MPLKIP: variants seen among roughly 807,000 people sequenced by gnomAD.
MPLKIP encodes M-phase-specific PLK1-interacting protein.
In MPLKIP, 16 loss-of-function variants were observed where a neutral mutation model predicts 16.9. That is an observed-to-expected ratio of 0.94 (90% CI 0.64 to 1.43). The LOEUF (loss-of-function observed/expected upper bound fraction) is 1.43, where lower values mean the gene tolerates loss of function less well. MPLKIP is among the 40% of genes most tolerant of loss of function. The probability of loss-of-function intolerance (pLI) is 0.00; values close to 1 mark genes in which losing one functional copy is unlikely to be tolerated. For synonymous variants in MPLKIP, 126 were observed against 98.4 expected (o/e 1.28, Z -1.66); for missense variants, 282 against 237.6 (o/e 1.19, Z -1.23).
intron 1 of MPLKIP, 26 bp from the exon 2 acceptor site, chr7:40,133,285 AAC>A: frequency 6.3e-7 from 1 of 1,588,870 alleles, no homozygotes; most frequent in Non-Finnish European, 8.6e-7. Flanking sequence ...CAGTTAAAAA[AAC>A]ACTTAGTAAA....
Position 40,128,832 on chromosome 7 carries a change from C to T in MPLKIP, c.*4227G>A, listed in dbSNP as rs551192734. ...TCGGGAGGCTGAGGCAGGAGAATTG[C>T]TTGAACTTGGGAGGCAGAGGTTGTA... On this transcript the variant is annotated 3_prime_UTR_variant, in exon 2 of 2. Transcript: ENST00000306984. The T allele has an allele frequency of 7.1e-6, 1 of 140,348 alleles. No homozygotes were observed. The highest frequency in any genetic ancestry group is 2.7e-5 in the African/African-American group (1 of 37,300). The allele number at this position is 140,348 out of a possible 1,614,324, so 8.7% of individuals were successfully genotyped here.
Position 40,132,833 on chromosome 7 carries a change from C to A in MPLKIP, c.*226G>T. On this transcript the variant is annotated 3_prime_UTR_variant, in exon 2 of 2. Coordinates refer to ENST00000306984, the MANE Select transcript of MPLKIP (RefSeq NM_138701.4). ...ACCAGGAATGTTAAATATATGGAAA[C>A]GGTAAATCTCTAAAATGTGGTAGGT... is the stretch of plus-strand genomic sequence containing the variant. The A allele has an allele frequency of 3.6e-6, 2 of 549,940 alleles. No individual in the cohort carries two copies. The highest frequency in any genetic ancestry group is 6.5e-6 in the Non-Finnish European group (2 of 307,996). 34.1% of individuals were successfully genotyped at this position (549,940 alleles called of 1,614,324 possible). A position where few individuals can be genotyped will look rare whatever the true frequency, so the allele number is the denominator to read the frequency against.
At position 40,131,866 on chromosome 7, in the gene MPLKIP, CA is replaced by C. The variant is rs1435214522; in HGVS notation, c.*1192del. ...AACAAAACAAAACAAACAAAAAAAA[CA>C]AAACATGGTCTCTACTAAAAATACA... On this transcript the variant is annotated 3_prime_UTR_variant, in exon 2 of 2. Transcript: ENST00000306984. 1 of 150,562 alleles carries C rather than the reference CA, an allele frequency of 6.6e-6. No homozygotes were observed. Among genetic ancestry groups the C allele is most frequent in the Non-Finnish European group, 1.5e-5 (1 of 67,600 alleles). The allele number at this position is 150,562 out of a possible 1,614,324, so 9.3% of individuals were successfully genotyped here.
In MPLKIP at chr7:40,126,557, C is replaced by T. The variant is rs1031776635; in HGVS notation, c.*6502G>A. ...CAAGCAATTCTCCTGCCTCAGCCTC[C>T]CAAGTAGCTGGGATACAGGCACATG... On this transcript the variant is annotated 3_prime_UTR_variant, in exon 2 of 2. Transcript: ENST00000306984. 2 of 152,010 alleles carry T rather than the reference C, an allele frequency of 1.3e-5. No individual in the cohort carries two copies. Among genetic ancestry groups the T allele is most frequent in the African/African-American group, 4.8e-5 (2 of 41,352 alleles). 9.4% of individuals were successfully genotyped at this position (152,010 alleles called of 1,614,324 possible).
At position 40,127,620 on chromosome 7, in the gene MPLKIP, G is replaced by C. The variant is rs1213524053; in HGVS notation, c.*5439C>G. 1.3e-5 allele frequency: 2 copies of C among 152,070 alleles called. No homozygotes were observed. Among genetic ancestry groups the C allele is most frequent in the Non-Finnish European group, 2.9e-5 (2 of 68,012 alleles). The allele number at this position is 152,070 out of a possible 1,614,324, so 9.4% of individuals were successfully genotyped here. A position where few individuals can be genotyped will look rare whatever the true frequency, so the allele number is the denominator to read the frequency against. Reference sequence around the variant, plus strand: ...TATTTAACATCTCTGAAATTAAGATGTATCTTATAATCAATGACATGTCAC... The same window carrying C: ...TATTTAACATCTCTGAAATTAAGATCTATCTTATAATCAATGACATGTCAC... On this transcript the variant is annotated 3_prime_UTR_variant, in exon 2 of 2. Coordinates refer to ENST00000306984, the MANE Select transcript of MPLKIP (RefSeq NM_138701.4).
rs557616399 is a variant in MPLKIP at position 40,133,102 on chromosome 7, T to C, written c.497A>G (p.Asn166Ser). 5 of 1,614,040 alleles carry C rather than the reference T, an allele frequency of 3.1e-6. No homozygotes were observed. The highest frequency in any genetic ancestry group is 2.7e-5 in the African/African-American group (2 of 75,054). Reference protein sequence around the residue: ...SVVDISQQYSNTQTFTGKKGR... With the variant: ...SVVDISQQYSSTQTFTGKKGR... ...TTTTTTGCCTGTGAATGTTTGAGTA[T>C]TGCTGTATTGTTGGCTTATATCCAC... Residue 166 changes from asparagine to serine, a missense_variant, in exon 2 of 2, where the codon AAT becomes AGT. Asn to Ser is a conservative substitution (Grantham distance 46). Transcript: ENST00000306984.
rs370470906 is a variant in MPLKIP, at chr7:40,133,857, G to T, written c.339+372C>A. On this transcript the variant is annotated intron_variant, in intron 1 of 1. Transcript: ENST00000306984. ...CGATTTTCTTTTCAGGGAAGTTGGA[G>T]CAGAAGCCAGTGTAGCTCGAAAGAA... 3.6e-4 allele frequency among the ~76,000 whole-genome samples: 51 copies of T among 141,302 alleles called. 3 individuals are homozygous for T. In the East Asian group the frequency reaches 4.9e-3, roughly 14 times the overall value. The allele number at this position is 141,302 out of a possible 152,430, so 92.7% of individuals were successfully genotyped here. A position where few individuals can be genotyped will look rare whatever the true frequency, so the allele number is the denominator to read the frequency against.
In MPLKIP at chr7:40,130,719, T is replaced by C. The variant is rs1218274851; in HGVS notation, c.*2340A>G. 5 of 152,324 alleles carry C rather than the reference T, an allele frequency of 3.3e-5. No individual in the cohort carries two copies. In the South Asian group the frequency reaches 1.0e-3, roughly 32 times the overall value. The allele number at this position is 152,324 out of a possible 1,614,324, so 9.4% of individuals were successfully genotyped here. On this transcript the variant is annotated 3_prime_UTR_variant, in exon 2 of 2. Coordinates refer to ENST00000306984, the MANE Select transcript of MPLKIP (RefSeq NM_138701.4). ...TTCTTACCTATAAAGTTCAATAAAG[T>C]ATTTAAAAAAGTATTCCCTTTGCTT...
At position 40,134,510 on chromosome 7, in the gene MPLKIP, C is replaced by T. The variant is rs756055084; in HGVS notation, c.58G>A (p.Gly20Ser). Reference sequence around the variant, plus strand: ...CGGAAGCTGCTTCCGCTACCCCAACCTCCTCCACCCGGACCAGGGTAAGGA... The same window carrying T: ...CGGAAGCTGCTTCCGCTACCCCAACTTCCTCCACCCGGACCAGGGTAAGGA... ...TPPYPGPGGG[G>S]WGSGSSFRGT... The change falls in exon 1 of 2, where the codon GGT becomes AGT. Residue 20 changes from glycine (G) to serine (S), a missense_variant. By Grantham distance (56) the Gly-to-Ser change is moderately conservative. Coordinates refer to ENST00000306984, the MANE Select transcript of MPLKIP (RefSeq NM_138701.4). 6.3e-7 allele frequency: 1 copy of T among 1,590,524 alleles called. No individual in the cohort carries two copies.
intron 1 of MPLKIP, 111 bp from the exon 2 acceptor site, chr7:40,133,370 C>T: frequency 2.2e-6 from 2 of 925,580 alleles, no homozygotes; most frequent in Non-Finnish European, 3.5e-6. Flanking sequence ...GTGACTTGAA[C>T]CTAAATAATG....
chr7:40,133,984 G>A lies in MPLKIP; in HGVS notation c.339+245C>T, dbSNP rs543312871. Among the ~76,000 whole-genome samples, 4 of 151,946 alleles carry A rather than the reference G, an allele frequency of 2.6e-5. No homozygotes were observed. In the East Asian group the frequency reaches 7.7e-4, roughly 29 times the overall value. On this transcript the variant is annotated intron_variant, in intron 1 of 1. Coordinates refer to ENST00000306984, the MANE Select transcript of MPLKIP (RefSeq NM_138701.4). ...GAAATGGAGAATTAGGAAAATCTGT[G>A]TACGGGTGGCAGTGTATTGGTTAAA...
Position 40,133,222 on chromosome 7 carries a change from C to G in MPLKIP, c.377G>C (p.Arg126Pro). Residue 126 changes from arginine to proline, a missense_variant, in exon 2 of 2, where the codon CGT becomes CCT. Coordinates refer to ENST00000306984, the MANE Select transcript of MPLKIP (RefSeq NM_138701.4). ...PRTSTPFGSGRVREKRMSNEL... is the reference protein window; with the variant it reads ...PRTSTPFGSGPVREKRMSNEL... ...ATTAGACATTCTTTTTTCTCTAACA[C>G]GCCCTGATCCAAATGGTGTAGATGT... The G allele has an allele frequency of 6.2e-7, 1 of 1,613,500 alleles. No homozygotes were observed. Among genetic ancestry groups the G allele is most frequent in the Non-Finnish European group, 8.5e-7 (1 of 1,179,958 alleles).
chr7:40,129,987 A>G lies in MPLKIP; in HGVS notation c.*3072T>C, dbSNP rs1787440996. 1 of 152,198 alleles carries G rather than the reference A, an allele frequency of 6.6e-6. No individual in the cohort carries two copies. Among genetic ancestry groups the G allele is most frequent in the Admixed American group, 6.5e-5 (1 of 15,280 alleles). 9.4% of individuals were successfully genotyped at this position (152,198 alleles called of 1,614,324 possible). On this transcript the variant is annotated 3_prime_UTR_variant, in exon 2 of 2. Transcript: ENST00000306984. ...AAGGCAGCAGGGAAAAAGAACTGGCATGATCCCTTGATATGGATATGTTTT... is the reference window on the plus strand; with the variant it reads ...AAGGCAGCAGGGAAAAAGAACTGGCGTGATCCCTTGATATGGATATGTTTT...
At position 40,130,538 on chromosome 7, in the gene MPLKIP, G is replaced by A. The variant is rs1473050189; in HGVS notation, c.*2521C>T. Reference sequence around the variant, plus strand: ...CTTACAGTGAAATAAAATGTACGTAGACCATTAGAAGAGTTACAGTTTGAA... The same window carrying A: ...CTTACAGTGAAATAAAATGTACGTAAACCATTAGAAGAGTTACAGTTTGAA... On this transcript the variant is annotated 3_prime_UTR_variant, in exon 2 of 2. Coordinates refer to ENST00000306984, the MANE Select transcript of MPLKIP (RefSeq NM_138701.4). 6.6e-6 allele frequency: 1 copy of A among 152,152 alleles called. No individual in the cohort carries two copies. The highest frequency in any genetic ancestry group is 1.9e-4 in the East Asian group (1 of 5,194). The allele number at this position is 152,152 out of a possible 1,614,324, so 9.4% of individuals were successfully genotyped here.
At position 40,130,321 on chromosome 7, in the gene MPLKIP, A is replaced by T. The variant is rs1207545245; in HGVS notation, c.*2738T>A. ...AGAATAATCAATTCCTTTTACTCAG[A>T]TAAATAAAAATAGAGTAACGGTAAC... is the stretch of plus-strand genomic sequence containing the variant. On this transcript the variant is annotated 3_prime_UTR_variant, in exon 2 of 2. Transcript: ENST00000306984. 1 of 152,244 alleles carries T rather than the reference A, an allele frequency of 6.6e-6. No homozygotes were observed. The highest frequency in any genetic ancestry group is 2.4e-5 in the African/African-American group (1 of 41,466). 9.4% of individuals were successfully genotyped at this position (152,244 alleles called of 1,614,324 possible).
In MPLKIP at chr7:40,130,214, T is replaced by G. The variant is rs1273665188; in HGVS notation, c.*2845A>C. 1.3e-5 allele frequency: 2 copies of G among 152,210 alleles called. No homozygotes were observed. The highest frequency in any genetic ancestry group is 4.8e-5 in the African/African-American group (2 of 41,454). 9.4% of individuals were successfully genotyped at this position (152,210 alleles called of 1,614,324 possible). On this transcript the variant is annotated 3_prime_UTR_variant, in exon 2 of 2. Transcript: ENST00000306984. ...TTTAAGATGTATACTTAATTGTAAG[T>G]TTTTCTAAAAAGTTATTCAGCATTT...
Position 40,126,169 on chromosome 7 carries a change from T to C in MPLKIP, c.*6890A>G, listed in dbSNP as rs1348103324. ...CAAAATAATTACTATATCTAAAGCA[T>C]GTTACCTTCATTTGTATTTACACTA... On this transcript the variant is annotated 3_prime_UTR_variant, in exon 2 of 2. Coordinates refer to ENST00000306984, the MANE Select transcript of MPLKIP (RefSeq NM_138701.4). 6.6e-6 allele frequency: 1 copy of C among 152,214 alleles called. No individual in the cohort carries two copies. The allele number at this position is 152,214 out of a possible 1,614,324, so 9.4% of individuals were successfully genotyped here. A position where few individuals can be genotyped will look rare whatever the true frequency, so the allele number is the denominator to read the frequency against.
rs1787474323 is a variant in MPLKIP at position 40,132,299 on chromosome 7, T to G, written c.*760A>C. 1 of 152,238 alleles carries G rather than the reference T, an allele frequency of 6.6e-6. No homozygotes were observed. The highest frequency in any genetic ancestry group is 1.5e-5 in the Non-Finnish European group (1 of 68,058). 9.4% of individuals were successfully genotyped at this position (152,238 alleles called of 1,614,324 possible). ...ATGGCAAATTTGTCTTCTCTTGGATTGATGGAGATGAGAGATGTTCTTTTT... is the reference window on the plus strand; with the variant it reads ...ATGGCAAATTTGTCTTCTCTTGGATGGATGGAGATGAGAGATGTTCTTTTT... On this transcript the variant is annotated 3_prime_UTR_variant, in exon 2 of 2. Coordinates refer to ENST00000306984, the MANE Select transcript of MPLKIP (RefSeq NM_138701.4).
chr7:40,127,882 A>T lies in MPLKIP; in HGVS notation c.*5177T>A, dbSNP rs756334097. Reference sequence around the variant, plus strand: ...ACATGGCGAAACTCCATCTCTACTAAAAATATAAAAATTAGCCAGGCATGG... The same window carrying T: ...ACATGGCGAAACTCCATCTCTACTATAAATATAAAAATTAGCCAGGCATGG... On this transcript the variant is annotated 3_prime_UTR_variant, in exon 2 of 2. Coordinates refer to ENST00000306984, the MANE Select transcript of MPLKIP (RefSeq NM_138701.4). 1 of 152,270 alleles carries T rather than the reference A, an allele frequency of 6.6e-6. No homozygotes were observed. The highest frequency in any genetic ancestry group is 1.5e-5 in the Non-Finnish European group (1 of 68,116). 9.4% of individuals were successfully genotyped at this position (152,270 alleles called of 1,614,324 possible).
Sources: gnomAD v4.1 joint callset for allele counts (sites outside exome capture counted in the v4.1 genomes callset) on GRCh38, gnomAD v4.1.1 for gene constraint, MANE v1.5 for transcripts, NCBI Gene and HGNC (gene_info 2026-07-23, HGNC 2026-07-21) for gene names.